The following SGTA variants were observed in gnomAD, a reference collection of about 807,000 sequenced individuals.
SGTA encodes the protein small glutamine rich tetratricopeptide repeat co-chaperone alpha.
In SGTA, 22 loss-of-function variants were observed where a neutral mutation model predicts 44.3. The observed-to-expected ratio is 0.50, with a 90% confidence interval of 0.36 to 0.71. The LOEUF is 0.71. SGTA is among the 30% of genes least tolerant of loss of function. The pLI is 0.00. For synonymous variants in SGTA, 174 were observed against 177.6 expected, an observed-to-expected ratio of 0.98 and a Z score of 0.16; for missense variants, 341 against 435.9, an observed-to-expected ratio of 0.78 and a Z score of 1.94.
rs998262402 is a variant in SGTA, at chr19:2,761,787, G to A, written c.637-265C>T. Among the ~76,000 whole-genome samples, 1 of 148,414 alleles carries A rather than the reference G, an allele frequency of 6.7e-6. No individual in the cohort carries two copies. The highest frequency in any genetic ancestry group is 1.5e-5 in the Non-Finnish European group (1 of 66,792). ...ATCCCGTGTTTATTCCCCGCACAGCGCGACCGCCCGGGGACGGCACAGTCT... is the reference window on the plus strand; with the variant it reads ...ATCCCGTGTTTATTCCCCGCACAGCACGACCGCCCGGGGACGGCACAGTCT... On this transcript the variant is annotated intron_variant, in intron 7 of 11. Transcript: ENST00000221566. This position sits in a 1 kb window ranked among gnomAD's most constrained non-coding sequence, Gnocchi z 5.7.
chr19:2,762,937 G>A (rs1915041342), intron 6 of SGTA, among the ~76,000 whole-genome samples: 1 of 152,198 alleles, frequency 6.6e-6, no homozygotes, highest in Admixed American at 6.5e-5. Context: ...GCCAGCTCAG[G>A]GTCACAGGAA....
At position 2,761,338 on chromosome 19, in the gene SGTA, C is replaced by G. The variant is rs1359176484; in HGVS notation, c.699+122G>C. ...CCAGGACGACCCCACAGACAAGACCCATCTGGTTCCAGAAGCCAGCAGTGC... is the reference window on the plus strand; with the variant it reads ...CCAGGACGACCCCACAGACAAGACCGATCTGGTTCCAGAAGCCAGCAGTGC... On this transcript the variant is annotated intron_variant, in intron 8 of 11. Coordinates refer to ENST00000221566, the MANE Select transcript of SGTA (RefSeq NM_003021.4). This position sits in a 1 kb window ranked among gnomAD's most constrained non-coding sequence, Gnocchi z 5.7. 1 of 924,266 alleles carries G rather than the reference C, an allele frequency of 1.1e-6. No individual in the cohort carries two copies. Among genetic ancestry groups the G allele is most frequent in the African/African-American group, 1.6e-5 (1 of 61,514 alleles). 57.3% of individuals were successfully genotyped at this position (924,266 alleles called of 1,614,324 possible).
chr19:2,768,556 C>T (rs190310663), intron 2 of SGTA, among the ~76,000 whole-genome samples: 163 of 152,334 alleles, frequency 1.1e-3, no homozygotes, highest in Non-Finnish European at 4.6e-4. Flanking sequence ...ACCTGGGGAG[C>T]GGACAGGCCA....
rs116493955 is a variant in SGTA at position 2,768,756 on chromosome 19, G to A, written c.100+213C>T. ...CCTGAAGGCATCAAGCAGTGGTGGCGCCACGCAGTGGCAGGCGGGAGGGCT... is the reference window on the plus strand; with the variant it reads ...CCTGAAGGCATCAAGCAGTGGTGGCACCACGCAGTGGCAGGCGGGAGGGCT... On this transcript the variant is annotated intron_variant, in intron 2 of 11. Coordinates refer to ENST00000221566, the MANE Select transcript of SGTA (RefSeq NM_003021.4). 2.8e-3 allele frequency among the ~76,000 whole-genome samples: 431 copies of A among 152,350 alleles called. 2 individuals carry two copies. The highest frequency in any genetic ancestry group is 8.6e-3 in the African/African-American group (356 of 41,596).
At chr19:2,760,517 CAAAAA>C (rs58836148) in intron 8 of SGTA, among the ~76,000 whole-genome samples, 1,400 of 51,576 alleles carry the variant, frequency 0.027, 42 homozygotes, top group South Asian at 0.26. Context: ...GACTCCATCT[CAAAAA>C]AAAAAAAAAA....
In SGTA at chr19:2,769,109, A is replaced by T; in HGVS notation, c.-23-18T>A. The stretch of plus-strand genomic sequence containing the variant: ...GGTGATACCTGGGGGTGCAGGAAAA[A>T]CCCCCATCAGGCCCCCTCACACTCC... On this transcript the variant is annotated intron_variant, in intron 1 of 11. Coordinates refer to ENST00000221566, the MANE Select transcript of SGTA (RefSeq NM_003021.4). The T allele has an allele frequency of 6.5e-7, 1 of 1,532,370 alleles. No homozygotes were observed. The highest frequency in any genetic ancestry group is 9.0e-7 in the Non-Finnish European group (1 of 1,111,648). 94.9% of individuals were successfully genotyped at this position (1,532,370 alleles called of 1,614,324 possible). A position where few individuals can be genotyped will look rare whatever the true frequency, so the allele number is the denominator to read the frequency against.
chr19:2,762,761 C>T, intron 6 of SGTA, 117 bp from the exon 7 acceptor site: 1 of 1,218,570 alleles, frequency 8.2e-7, no homozygotes, highest in Admixed American at 1.9e-5. Context: ...TGGTGCCACC[C>T]CCTGCCCGCT....
intron 1 of SGTA, among the ~76,000 whole-genome samples, chr19:2,771,746 G>A (rs373518203): frequency 6.6e-6 from 1 of 152,270 alleles, no homozygotes; most frequent in Non-Finnish European, 1.5e-5. Context: ...AGCATTTGGA[G>A]AACCTGCTCT....
At chr19:2,782,314 A>G (rs1299254927) in intron 1 of SGTA, among the ~76,000 whole-genome samples, 1 of 152,188 alleles carries the variant, frequency 6.6e-6, no homozygotes, top group African/African-American at 2.4e-5. Flanking sequence ...AAGGCAGACA[A>G]AAGGAATAAT....
rs910881333 is a variant in SGTA at position 2,761,555 on chromosome 19, C to G, written c.637-33G>C. 3.3e-6 allele frequency: 5 copies of G among 1,538,112 alleles called. No homozygotes were observed. The African/African-American group carries it at 6.9e-5, about 21-fold the overall frequency. On this transcript the variant is annotated intron_variant, in intron 7 of 11. Coordinates refer to ENST00000221566, the MANE Select transcript of SGTA (RefSeq NM_003021.4). This position sits in a 1 kb window ranked among gnomAD's most constrained non-coding sequence, Gnocchi z 5.7. ...TGAGAACAGCCCTGGTTAGTGGGGC[C>G]TGGACCAGAGGCCACGGTGAATAAC...
rs978730270 is a variant in SGTA, at chr19:2,780,345, C to T, written c.-24+2888G>A. On this transcript the variant is annotated intron_variant, in intron 1 of 11. Transcript: ENST00000221566. ...GCTCCTCACTCCCTCTTAGGATACC[C>T]GAGTTCTAGCTCAGTCTCCTGCCCA... 3.9e-5 allele frequency among the ~76,000 whole-genome samples: 6 copies of T among 152,128 alleles called. No homozygotes were observed. The South Asian group carries it at 1.2e-3, about 32-fold the overall frequency.
chr19:2,768,886 G>T, intron 2 of SGTA, 83 bp downstream of exon 2: 1 of 989,898 alleles, frequency 1.0e-6, no homozygotes. Flanking sequence ...GGGGGACCAG[G>T]CATCTACACA....
Position 2,765,522 on chromosome 19 carries a change from G to A in SGTA, c.293-237C>T, listed in dbSNP as rs901167796. ...CACTAAGGGGGATGGAGGTGGGGGCGGCAGGGCCTGGCCTGGCCTGTGCCT... is the reference window on the plus strand; with the variant it reads ...CACTAAGGGGGATGGAGGTGGGGGCAGCAGGGCCTGGCCTGGCCTGTGCCT... On this transcript the variant is annotated intron_variant, in intron 4 of 11. Transcript: ENST00000221566. The surrounding 1 kb of genome is among the most constrained non-coding windows in gnomAD (Gnocchi z 5.5). 7.9e-5 allele frequency among the ~76,000 whole-genome samples: 12 copies of A among 152,124 alleles called. No individual in the cohort carries two copies. The highest frequency in any genetic ancestry group is 2.7e-4 in the African/African-American group (11 of 41,428).
chr19:2,766,932 G>A (rs779213082), intron 4 of SGTA, among the ~76,000 whole-genome samples: 1 of 151,974 alleles, frequency 6.6e-6, no homozygotes, highest in Non-Finnish European at 1.5e-5. Flanking sequence ...GCCGTGCTGT[G>A]CCTGAAGGTC....
chr19:2,756,082 A>G, intron 11 of SGTA, 149 bp from the exon 12 acceptor site: 1 of 247,660 alleles, frequency 4.0e-6, no homozygotes, highest in Non-Finnish European at 6.4e-6. Context: ...CTGCACCAGA[A>G]GCGTTCCACA....
At chr19:2,771,788 T>G (rs1915317189) in intron 1 of SGTA, among the ~76,000 whole-genome samples, 1 of 152,234 alleles carries the variant, frequency 6.6e-6, no homozygotes, top group African/African-American at 2.4e-5. Context: ...GAGGGGTTGC[T>G]GTGGTGCTGG....
rs768710199 is a variant in SGTA, at chr19:2,755,343, G to A, written c.*597C>T. On this transcript the variant is annotated 3_prime_UTR_variant, in exon 12 of 12. Transcript: ENST00000221566. The surrounding 1 kb of genome is among the most constrained non-coding windows in gnomAD (Gnocchi z 5.2). ...GCACCCAGGACGGCTCCTGAGCCGCGGAGGCGTGGGGTGACCGCAGCCGTC... is the reference window on the plus strand; with the variant it reads ...GCACCCAGGACGGCTCCTGAGCCGCAGAGGCGTGGGGTGACCGCAGCCGTC... 86 of 948,892 alleles carry A rather than the reference G, an allele frequency of 9.1e-5. No homozygotes were observed. The highest frequency in any genetic ancestry group is 1.0e-4 in the Non-Finnish European group (81 of 794,660). The allele number at this position is 948,892 out of a possible 1,614,324, so 58.8% of individuals were successfully genotyped here.
At chr19:2,757,103 G>A (rs1362181101) in intron 11 of SGTA, among the ~76,000 whole-genome samples, 1 of 152,138 alleles carries the variant, frequency 6.6e-6, no homozygotes, top group Non-Finnish European at 1.5e-5. Flanking sequence ...GAAAGGAGTG[G>A]GGAGCAGGAC....
At chr19:2,775,632 C>G (rs1394606922) in intron 1 of SGTA, among the ~76,000 whole-genome samples, 1 of 152,200 alleles carries the variant, frequency 6.6e-6, no homozygotes, top group Non-Finnish European at 1.5e-5. Context: ...ATGTCCAGGA[C>G]AGGCCCATCC....
Sources: allele counts gnomAD v4.1 joint callset (sites outside exome capture counted in the v4.1 genomes callset), GRCh38; gene constraint gnomAD v4.1.1; non-coding constraint Gnocchi (gnomAD v3.1); transcripts MANE v1.5; gene names NCBI Gene and HGNC (gene_info 2026-07-23, HGNC 2026-07-21).